Variants in LRSAM1 observed in about 807,000 individuals in gnomAD.
LRSAM1 encodes leucine rich repeat and sterile alpha motif containing 1, also known as E3 ubiquitin-protein ligase LRSAM1.
LRSAM1 carries 96 observed loss-of-function variants against 118.1 expected under a neutral mutation model. The observed-to-expected ratio is 0.81, with a 90% CI of 0.69 to 0.96. The LOEUF (loss-of-function observed/expected upper bound fraction) is 0.96, where lower values mean the gene tolerates loss of function less well. Among genes scored for constraint, LRSAM1 ranks in the 40% least tolerant of loss-of-function variants. The probability of loss-of-function intolerance (pLI) is 0.00; values close to 1 mark genes in which losing one functional copy is unlikely to be tolerated. For missense variants in LRSAM1, 804 were observed against 915.5 expected (o/e 0.88, Z 1.57); for synonymous variants, 322 against 364.2 (o/e 0.88, Z 1.32).
Position 127,454,631 on chromosome 9 carries a change from C to G in LRSAM1, c.72+32C>G, listed in dbSNP as rs1202536082. On this transcript the variant is annotated intron_variant, in intron 3 of 25. Coordinates refer to ENST00000300417, the MANE Select transcript of LRSAM1 (RefSeq NM_001005373.4). ...GAAAGTGGGTTTCCTCTAACTCTAT[C>G]CCATCTCCTCCTCGGTCCCCATGGA... 1.9e-6 allele frequency: 3 copies of G among 1,606,028 alleles called. No homozygotes were observed. The South Asian group carries it at 3.3e-5, about 18-fold the overall frequency.
At chr9:127,474,043 A>G in intron 11 of LRSAM1, 112 bp downstream of exon 11, 1 of 1,515,214 alleles carries the variant, frequency 6.6e-7, no homozygotes, top group African/African-American at 1.4e-5. Context: ...TGCAGCTCCC[A>G]GATTCCTCCA....
intron 11 of LRSAM1, 28 bp downstream of exon 11, chr9:127,473,959 T>C: frequency 6.2e-7 from 1 of 1,614,036 alleles, no homozygotes; most frequent in Non-Finnish European, 8.5e-7. Flanking sequence ...GCTGCACGCA[T>C]ACATGTGTGT....
At chr9:127,488,894 C>A (rs1339600089) in intron 18 of LRSAM1, among the ~76,000 whole-genome samples, 1 of 152,112 alleles carries the variant, frequency 6.6e-6, no homozygotes, top group Non-Finnish European at 1.5e-5. Flanking sequence ...CTGTTCAGCT[C>A]TTTCCTGCAG....
intron 24 of LRSAM1, among the ~76,000 whole-genome samples, chr9:127,498,280 C>T (rs1836233322): frequency 6.6e-6 from 1 of 152,190 alleles, no homozygotes; most frequent in African/African-American, 2.4e-5. Context: ...ACTCAACCCC[C>T]AAAAAGTCAT....
At chr9:127,470,433 TCACCTCC>T (rs1835122642) in intron 10 of LRSAM1, among the ~76,000 whole-genome samples, 1 of 151,960 alleles carries the variant, frequency 6.6e-6, no homozygotes, top group Non-Finnish European at 1.5e-5. Flanking sequence ...CATGATCTAA[TCACCTCC>T]CACGAGTTCC....
chr9:127,498,989 G>A (rs1280392990), intron 24 of LRSAM1, among the ~76,000 whole-genome samples: 8 of 151,340 alleles, frequency 5.3e-5, no homozygotes, highest in South Asian at 2.1e-4. Context: ...CCCAGGAGGC[G>A]GAAGTTACAG....
At chr9:127,486,918 C>T (rs1439712755) in intron 17 of LRSAM1, among the ~76,000 whole-genome samples, 1 of 152,130 alleles carries the variant, frequency 6.6e-6, no homozygotes, top group South Asian at 2.1e-4. Context: ...CGCAGTGGCT[C>T]ACGTCTGTAA....
At chr9:127,459,216 GGT>G in intron 7 of LRSAM1, 145 bp downstream of exon 7, 1 of 712,952 alleles carries the variant, frequency 1.4e-6, no homozygotes, top group Admixed American at 2.6e-5. Flanking sequence ...GGCCCTTTGG[GGT>G]TTTTTTTTTT....
intron 13 of LRSAM1, 128 bp downstream of exon 13, chr9:127,479,633 G>A: frequency 6.9e-7 from 1 of 1,443,084 alleles, no homozygotes; most frequent in Non-Finnish European, 9.5e-7. Context: ...CTGTCCCCCA[G>A]CACCTGGGAG....
chr9:127,458,393 AC>A lies in LRSAM1; in HGVS notation c.253-609del, dbSNP rs796502443. ...GACAGAGCGAGACTTCGTCTCAAAA[AC>A]AAAACAAAACAAAACAAAACAAAAC... On this transcript the variant is annotated intron_variant, in intron 6 of 25. Coordinates refer to ENST00000300417, the MANE Select transcript of LRSAM1 (RefSeq NM_001005373.4). 8.8e-3 allele frequency among the ~76,000 whole-genome samples: 1,285 copies of A among 145,826 alleles called. 78 individuals carry two copies. The highest frequency in any genetic ancestry group is 0.03 in the African/African-American group (1,158 of 38,770).
rs750222188 is a variant in LRSAM1 at position 127,496,186 on chromosome 9, G to A, written c.1830+91G>A. 1,137 of 1,550,688 alleles carry A rather than the reference G, an allele frequency of 7.3e-4. 2 individuals are homozygous for A. The highest frequency in any genetic ancestry group is 9.5e-4 in the Non-Finnish European group (1,095 of 1,150,112). ...TTGATCTGCTCCTTGTGTAGTCCTCGTTGAGGCCTGTCCTTACCTAATGGC... is the reference window on the plus strand; with the variant it reads ...TTGATCTGCTCCTTGTGTAGTCCTCATTGAGGCCTGTCCTTACCTAATGGC... On this transcript the variant is annotated intron_variant, in intron 23 of 25. Coordinates refer to ENST00000300417, the MANE Select transcript of LRSAM1 (RefSeq NM_001005373.4).
Position 127,466,707 on chromosome 9 carries a change from T to C in LRSAM1, c.529-1033T>C, listed in dbSNP as rs183578281. ...TAACTTCCTTTTTTTCACTCACTTATGTATTTATCCAAAGTGAACTGAGAG... is the reference window on the plus strand; with the variant it reads ...TAACTTCCTTTTTTTCACTCACTTACGTATTTATCCAAAGTGAACTGAGAG... On this transcript the variant is annotated intron_variant, in intron 9 of 25. Transcript: ENST00000300417. Among the ~76,000 whole-genome samples, 899 of 151,520 alleles carry C rather than the reference T, an allele frequency of 5.9e-3. 8 individuals carry two copies. The highest frequency in any genetic ancestry group is 0.02 in the African/African-American group (828 of 41,298).
chr9:127,462,921 C>T (rs1296324026), intron 9 of LRSAM1, among the ~76,000 whole-genome samples: 2 of 151,902 alleles, frequency 1.3e-5, no homozygotes, highest in Admixed American at 6.6e-5. Flanking sequence ...CTGGGCTGGG[C>T]ACCGTGGCTC....
In LRSAM1 at chr9:127,479,378, T is replaced by C; in HGVS notation, c.781-5T>C. ...CTGACAGTCACCAGGATCTGTGTCT[T>C]GCAGGAACAGAAGATGCTGGAGAAA... On this transcript the variant is annotated splice_region_variant and splice_polypyrimidine_tract_variant and intron_variant, in intron 12 of 25. Transcript: ENST00000300417. 6.2e-7 allele frequency: 1 copy of C among 1,614,124 alleles called. No homozygotes were observed. Among genetic ancestry groups the C allele is most frequent in the Non-Finnish European group, 8.5e-7 (1 of 1,179,998 alleles).
At chr9:127,468,837 A>AAAAAC in intron 10 of LRSAM1, among the ~76,000 whole-genome samples, 1 of 150,558 alleles carries the variant, frequency 6.6e-6, no homozygotes. Flanking sequence ...AAAAAAAAAA[A>AAAAAC]AATCAGCCAG....
chr9:127,501,129 T>C lies in LRSAM1; in HGVS notation c.2032T>C (p.Cys678Arg). The C allele has an allele frequency of 1.2e-6, 2 of 1,613,456 alleles. No homozygotes were observed. The highest frequency in any genetic ancestry group is 1.7e-6 in the Non-Finnish European group (2 of 1,180,000). ...GGTGCAGGCCTCAGAGTGTGTCGTG[T>C]GCCTGGAACGGGAGGTAAGTCCGGG... ...LEVQASECVVCLEREAQMIFL... is the reference protein window; with the variant it reads ...LEVQASECVVRLEREAQMIFL... The change falls in exon 25 of 26, where the codon TGC (cysteine) becomes CGC (arginine). Residue 678 changes from cysteine to arginine, a missense_variant. By Grantham distance (180) the Cys-to-Arg change is radical (BLOSUM62 -3). Transcript: ENST00000300417.
chr9:127,453,377 C>A, intron 2 of LRSAM1: 1 of 152,332 alleles, frequency 6.6e-6, no homozygotes. Flanking sequence ...CCACCACACC[C>A]GGCGTGTTTC....
intron 16 of LRSAM1, among the ~76,000 whole-genome samples, chr9:127,484,441 C>T (rs996311495): frequency 2.6e-5 from 4 of 152,056 alleles, no homozygotes; most frequent in Non-Finnish European, 5.9e-5. Context: ...CTGCTCACTG[C>T]AGCCTCCACC....
Position 127,495,417 on chromosome 9 carries a change from A to G in LRSAM1, c.1697A>G (p.Gln566Arg). 2 of 1,613,460 alleles carry G rather than the reference A, an allele frequency of 1.2e-6. No individual in the cohort carries two copies. Among genetic ancestry groups the G allele is most frequent in the Non-Finnish European group, 1.7e-6 (2 of 1,179,764 alleles). Reference protein sequence around the residue: ...LNQKPLSLKLQEEGMERQLVA... With the variant: ...LNQKPLSLKLREEGMERQLVA... The stretch of plus-strand genomic sequence containing the variant: ...CAGAAGCCCTTGTCCTTGAAGCTGC[A>G]AGTAAGGACTGCTGGTGCCTGTCCC... Residue 566 changes from glutamine (Q) to arginine (R), a missense_variant and splice_region_variant, in exon 22 of 26, where the codon CAA becomes CGA. By Grantham distance (43) the Gln-to-Arg change is conservative (BLOSUM62 1). Coordinates refer to ENST00000300417, the MANE Select transcript of LRSAM1 (RefSeq NM_001005373.4).
Sources: allele counts gnomAD v4.1 joint callset (sites outside exome capture counted in the v4.1 genomes callset), GRCh38; gene constraint gnomAD v4.1.1; transcripts MANE v1.5; gene names NCBI Gene and HGNC (gene_info 2026-07-23, HGNC 2026-07-21).